The following KCNMB4 variants were observed in gnomAD, a reference collection of about 807,000 sequenced individuals.
KCNMB4 encodes potassium calcium-activated channel subfamily M regulatory beta subunit 4.
Under a neutral mutation model 20.7 loss-of-function variants are expected in KCNMB4, and 3 were observed. The ratio of observed to expected loss-of-function variants is 0.14; its 90% CI spans 0.07 to 0.37. KCNMB4 has a LOEUF of 0.37. Ranked by LOEUF, KCNMB4 falls within the 10% of genes least tolerant of loss-of-function variation. KCNMB4 has a pLI of 1.00. For synonymous variants in KCNMB4, 110 were observed against 113.4 expected (o/e 0.97, Z 0.19); for missense variants, 168 against 265.9 (o/e 0.63, Z 2.56).
At chr12:70,406,882 T>C (rs1276160303) in intron 2 of KCNMB4, among the ~76,000 whole-genome samples, 1 of 152,212 alleles carries the variant, frequency 6.6e-6, no homozygotes, top group Non-Finnish European at 1.5e-5. Flanking sequence ...AACCAAATTA[T>C]ATACTAAAAG....
rs959294065 is a variant in KCNMB4 at position 70,415,734 on chromosome 12, C to G, written c.465-14751C>G. ...TTCAGTTCTCCTTCTTTAATATTAC[C>G]TCTGCACTTTGTACAAATGTCCATT... On this transcript the variant is annotated intron_variant, in intron 2 of 2. Transcript: ENST00000258111. Among the ~76,000 whole-genome samples, 4 of 152,238 alleles carry G rather than the reference C, an allele frequency of 2.6e-5. No homozygotes were observed. In the East Asian group the frequency reaches 7.7e-4, roughly 29 times the overall value.
At chr12:70,386,140 G>T (rs1302747635) in intron 1 of KCNMB4, among the ~76,000 whole-genome samples, 3 of 152,176 alleles carry the variant, frequency 2.0e-5, no homozygotes, top group African/African-American at 7.2e-5. Flanking sequence ...GGTATCAGAG[G>T]TTTCTAAATT....
intron 1 of KCNMB4, among the ~76,000 whole-genome samples, chr12:70,396,441 G>C (rs754139889): frequency 1.3e-5 from 2 of 152,166 alleles, no homozygotes; most frequent in Non-Finnish European, 2.9e-5. Flanking sequence ...AAGTAGCTGG[G>C]ATTATGGGTG....
At chr12:70,429,421 C>G (rs1869297869) in intron 2 of KCNMB4, among the ~76,000 whole-genome samples, 1 of 152,106 alleles carries the variant, frequency 6.6e-6, no homozygotes, top group African/African-American at 2.4e-5. Context: ...AATGCCAGCA[C>G]TTTGGGAGGC....
intron 1 of KCNMB4, among the ~76,000 whole-genome samples, chr12:70,389,432 G>A (rs775223465): frequency 6.6e-6 from 1 of 151,996 alleles, no homozygotes; most frequent in Non-Finnish European, 1.5e-5. Flanking sequence ...GGTGGCTCAC[G>A]CCTGGGATCC....
At chr12:70,384,059 A>T (rs954655791) in intron 1 of KCNMB4, among the ~76,000 whole-genome samples, 3 of 152,146 alleles carry the variant, frequency 2.0e-5, no homozygotes, top group Admixed American at 2.0e-4. Context: ...ACAGAGCAAG[A>T]TTCCATCTCA....
intron 1 of KCNMB4, among the ~76,000 whole-genome samples, chr12:70,373,555 T>G (rs1565852994): frequency 6.6e-6 from 1 of 152,206 alleles, no homozygotes; most frequent in African/African-American, 2.4e-5. Flanking sequence ...GTGAGACACA[T>G]TCTAGATTCT....
At chr12:70,383,313 TATTA>T (rs1278689614) in intron 1 of KCNMB4, among the ~76,000 whole-genome samples, 1 of 152,160 alleles carries the variant, frequency 6.6e-6, no homozygotes, top group Admixed American at 6.5e-5. Context: ...AAAAAAGAAA[TATTA>T]ATTAATGCAA....
chr12:70,372,321 CTT>C (rs1883610591), intron 1 of KCNMB4, among the ~76,000 whole-genome samples: 1 of 152,212 alleles, frequency 6.6e-6, no homozygotes. Context: ...CAGACTTAGA[CTT>C]TTAAAAAATG....
intron 2 of KCNMB4, among the ~76,000 whole-genome samples, chr12:70,402,408 T>A (rs1868476484): frequency 6.6e-6 from 1 of 152,044 alleles, no homozygotes; most frequent in Non-Finnish European, 1.5e-5. Context: ...CGTGGAAGAC[T>A]GAGGCGGGAG....
intron 1 of KCNMB4, among the ~76,000 whole-genome samples, chr12:70,399,843 T>C (rs1868406462): frequency 6.6e-6 from 1 of 152,188 alleles, no homozygotes; most frequent in Admixed American, 6.5e-5. Flanking sequence ...GGTTCATAGA[T>C]AGCAATTGGG....
At chr12:70,371,484 T>A (rs929608452) in intron 1 of KCNMB4, among the ~76,000 whole-genome samples, 4 of 152,214 alleles carry the variant, frequency 2.6e-5, no homozygotes, top group Non-Finnish European at 5.9e-5. Context: ...ACATTCAGTT[T>A]GATACATTTT....
In KCNMB4 at chr12:70,383,544, G is replaced by A. The variant is rs569925283; in HGVS notation, c.336+16474G>A. 4.1e-4 allele frequency among the ~76,000 whole-genome samples: 62 copies of A among 152,302 alleles called. 1 individual carries two copies. Among genetic ancestry groups the A allele is most frequent in the African/African-American group, 1.5e-3 (61 of 41,568 alleles). Reference sequence around the variant, plus strand: ...AAACGAGGTTGCTTAACTCAACAGAGATTTATTTGTCCACAGTTCTGAAGT... The same window carrying A: ...AAACGAGGTTGCTTAACTCAACAGAAATTTATTTGTCCACAGTTCTGAAGT... On this transcript the variant is annotated intron_variant, in intron 1 of 2. Coordinates refer to ENST00000258111, the MANE Select transcript of KCNMB4 (RefSeq NM_014505.6).
At chr12:70,398,927 A>G (rs1359835459) in intron 1 of KCNMB4, among the ~76,000 whole-genome samples, 1 of 152,214 alleles carries the variant, frequency 6.6e-6, no homozygotes, top group African/African-American at 2.4e-5. Context: ...GGTAGAAGAA[A>G]AAGAAGGCTC....
intron 1 of KCNMB4, among the ~76,000 whole-genome samples, chr12:70,377,895 A>T (rs1192185802): frequency 2.0e-5 from 3 of 151,670 alleles, no homozygotes; most frequent in African/African-American, 7.3e-5. Context: ...TTATCATGGG[A>T]TTCCAGAAAT....
At chr12:70,421,009 G>A (rs1240716540) in intron 2 of KCNMB4, among the ~76,000 whole-genome samples, 11 of 148,530 alleles carry the variant, frequency 7.4e-5, no homozygotes, top group Admixed American at 2.7e-4. Flanking sequence ...CTGAGATAGC[G>A]CCACTGCACT....
chr12:70,429,170 G>A (rs1318043670), intron 2 of KCNMB4, among the ~76,000 whole-genome samples: 1 of 152,188 alleles, frequency 6.6e-6, no homozygotes, highest in African/African-American at 2.4e-5. Flanking sequence ...TGACTAATGA[G>A]TGATTTTCAG....
intron 1 of KCNMB4, among the ~76,000 whole-genome samples, chr12:70,368,831 C>CA (rs1262179790): frequency 1.3e-5 from 2 of 152,038 alleles, no homozygotes; most frequent in Non-Finnish European, 2.9e-5. Flanking sequence ...TAATTTATTA[C>CA]AAAAAGACTG....
intron 1 of KCNMB4, among the ~76,000 whole-genome samples, chr12:70,367,347 G>A (rs1184358933): frequency 1.3e-5 from 2 of 152,114 alleles, no homozygotes; most frequent in African/African-American, 4.8e-5. Flanking sequence ...ACCCAGTCCG[G>A]GTCCTGCGCC....
Sources: allele counts gnomAD v4.1 joint callset (sites outside exome capture counted in the v4.1 genomes callset), GRCh38; gene constraint gnomAD v4.1.1; transcripts MANE v1.5; gene names NCBI Gene and HGNC (gene_info 2026-07-23, HGNC 2026-07-21).